The following GRK3 variants were observed in gnomAD, a reference collection of about 807,000 sequenced individuals.
The protein encoded by GRK3 is G protein-coupled receptor kinase 3.
In GRK3, 54 loss-of-function variants were observed where a neutral mutation model predicts 95.7. The ratio of observed to expected loss-of-function variants is 0.56; its 90% CI spans 0.45 to 0.71. The LOEUF (loss-of-function observed/expected upper bound fraction) is 0.71. Ranked by LOEUF, GRK3 falls within the 30% of genes least tolerant of loss-of-function variation. The pLI, the probability that GRK3 is intolerant of heterozygous loss-of-function variation, is 0.00. For synonymous variants in GRK3, 281 were observed against 290.8 expected, an observed-to-expected ratio of 0.97 and a Z score of 0.34; for missense variants, 649 against 851.2, an observed-to-expected ratio of 0.76 and a Z score of 2.96.
intron 3 of GRK3, among the ~76,000 whole-genome samples, chr22:25,658,883 C>T (rs2084891393): frequency 6.6e-6 from 1 of 151,946 alleles, no homozygotes; most frequent in Non-Finnish European, 1.5e-5. Flanking sequence ...GCCCGTTTGG[C>T]TGGAGTACAG....
In GRK3 at chr22:25,705,171, T is replaced by G. The variant is rs148052273; in HGVS notation, c.1328+962T>G. On this transcript the variant is annotated intron_variant, in intron 15 of 20. Transcript: ENST00000324198. Reference sequence around the variant, plus strand: ...AATTACCTATTCCTGCTATAATAGATGAAGATTTAGCTCACTCATTACTGT... The same window carrying G: ...AATTACCTATTCCTGCTATAATAGAGGAAGATTTAGCTCACTCATTACTGT... 1.6e-4 allele frequency among the ~76,000 whole-genome samples: 24 copies of G among 152,318 alleles called. No homozygotes were observed. In the East Asian group the frequency reaches 4.6e-3, roughly 29 times the overall value.
At chr22:25,688,149 C>T (rs12159061) in intron 11 of GRK3, among the ~76,000 whole-genome samples, 29,240 of 148,356 alleles carry the variant, frequency 0.2, 6,983 homozygotes, top group African/African-American at 0.58. Context: ...GGAAGGAGAA[C>T]GGAGTGAACC....
chr22:25,669,148 ATAT>A (rs1272301656), intron 6 of GRK3, among the ~76,000 whole-genome samples: 1 of 152,178 alleles, frequency 6.6e-6, no homozygotes, highest in East Asian at 1.9e-4. Context: ...GACTCCATCA[ATAT>A]GGTCATGTAG....
rs946780163 is a variant in GRK3 at position 25,727,286 on chromosome 22, T to A, written c.*4836T>A. On this transcript the variant is annotated 3_prime_UTR_variant, in exon 21 of 21. Transcript: ENST00000324198. ...AATTCATGTTAATATGATTTTTTTT[T>A]AATCCAGGTCACATTTTAACAAAGT... is the stretch of plus-strand genomic sequence containing the variant. 2.6e-5 allele frequency: 4 copies of A among 152,186 alleles called. No homozygotes were observed. Among genetic ancestry groups the A allele is most frequent in the Non-Finnish European group, 5.9e-5 (4 of 68,036 alleles). 9.4% of individuals were successfully genotyped at this position (152,186 alleles called of 1,614,324 possible). A position where few individuals can be genotyped will look rare whatever the true frequency, so the allele number is the denominator to read the frequency against.
chr22:25,577,876 GTCTAC>G (rs1281130849), intron 1 of GRK3, among the ~76,000 whole-genome samples: 3 of 152,268 alleles, frequency 2.0e-5, no homozygotes, highest in Middle Eastern at 3.4e-3. Context: ...TATGGGCATA[GTCTAC>G]TCTACGTAGA....
chr22:25,688,522 C>T (rs1340569570), intron 11 of GRK3, among the ~76,000 whole-genome samples: 1 of 152,204 alleles, frequency 6.6e-6, no homozygotes, highest in Non-Finnish European at 1.5e-5. Flanking sequence ...GCCACCCTCA[C>T]AGCTTTACAT....
intron 15 of GRK3, among the ~76,000 whole-genome samples, chr22:25,708,853 G>A (rs2085321613): frequency 1.3e-5 from 2 of 150,960 alleles, no homozygotes; most frequent in Admixed American, 1.3e-4. Flanking sequence ...GTCGAGACAG[G>A]GTTTCATTGT....
At chr22:25,573,002 T>C (rs897494187) in intron 1 of GRK3, among the ~76,000 whole-genome samples, 1 of 152,244 alleles carries the variant, frequency 6.6e-6, no homozygotes, top group African/African-American at 2.4e-5. Flanking sequence ...GAAACTGTTG[T>C]ACCAGAAAGC....
intron 2 of GRK3, 65 bp from the exon 3 acceptor site, chr22:25,644,527 A>T: frequency 2.6e-6 from 2 of 763,734 alleles, no homozygotes; most frequent in Middle Eastern, 4.8e-4. Context: ...TGCTTTGAAA[A>T]CACCCTTGTG....
chr22:25,687,224 T>A (rs1261491625), intron 10 of GRK3, among the ~76,000 whole-genome samples: 2 of 151,998 alleles, frequency 1.3e-5, no homozygotes, highest in African/African-American at 4.8e-5. Context: ...CTTACTAGGA[T>A]TTAGGTAATC....
intron 3 of GRK3, among the ~76,000 whole-genome samples, chr22:25,646,359 T>G (rs2084782342): frequency 6.6e-6 from 1 of 152,240 alleles, no homozygotes. Context: ...AAGTACTATA[T>G]TTGAAATTAG....
intron 15 of GRK3, among the ~76,000 whole-genome samples, chr22:25,706,539 T>G (rs574427569): frequency 6.6e-6 from 1 of 152,328 alleles, no homozygotes; most frequent in Admixed American, 6.5e-5. Flanking sequence ...TTTTTATTTT[T>G]TATTTTTTTG....
intron 1 of GRK3, among the ~76,000 whole-genome samples, chr22:25,576,256 C>A (rs1013069251): frequency 6.6e-6 from 1 of 152,072 alleles, no homozygotes; most frequent in East Asian, 1.9e-4. Context: ...GACCCACAGT[C>A]GGATGAGTCA....
intron 13 of GRK3, among the ~76,000 whole-genome samples, chr22:25,697,601 A>G (rs1482122494): frequency 6.6e-6 from 1 of 152,216 alleles, no homozygotes; most frequent in Non-Finnish European, 1.5e-5. Context: ...AACTTAGGGG[A>G]GCGCATGGTT....
intron 15 of GRK3, among the ~76,000 whole-genome samples, 174 bp from the exon 16 acceptor site, chr22:25,709,724 C>A (rs2085329050): frequency 6.6e-6 from 1 of 152,082 alleles, no homozygotes. Context: ...ATGCAGTATT[C>A]TAAACATCGT....
Position 25,661,691 on chromosome 22 carries a change from C to T in GRK3, c.366+14C>T, listed in dbSNP as rs1055984770. On this transcript the variant is annotated intron_variant, in intron 4 of 20. Transcript: ENST00000324198. The stretch of plus-strand genomic sequence containing the variant: ...TCCTGTTCACATGTAAGTATTTCTT[C>T]TTACTCTGTTACTTTAGTACTGATG... The T allele has an allele frequency of 1.6e-5, 24 of 1,510,726 alleles. No homozygotes were observed. Among genetic ancestry groups the T allele is most frequent in the Non-Finnish European group, 2.1e-5 (23 of 1,090,420 alleles). 93.6% of individuals were successfully genotyped at this position (1,510,726 alleles called of 1,614,324 possible).
At chr22:25,601,224 C>A (rs963480662) in intron 1 of GRK3, among the ~76,000 whole-genome samples, 1 of 152,088 alleles carries the variant, frequency 6.6e-6, no homozygotes, top group Admixed American at 6.5e-5. Flanking sequence ...TTTAAGTGTA[C>A]GTGAACTACT....
chr22:25,710,957 C>T (rs988113635), intron 16 of GRK3, 111 bp from the exon 17 acceptor site: 9 of 527,540 alleles, frequency 1.7e-5, no homozygotes, highest in South Asian at 1.5e-4. Flanking sequence ...TGACATGCTG[C>T]GCAGTGGAGC....
intron 1 of GRK3, among the ~76,000 whole-genome samples, chr22:25,596,498 G>A (rs112464987): frequency 0.024 from 3,670 of 152,098 alleles, 48 homozygotes; most frequent in East Asian, 0.037. Flanking sequence ...TAATAAATTA[G>A]CAATTTCAAA....
Sources: allele counts gnomAD v4.1 joint callset (sites outside exome capture counted in the v4.1 genomes callset), GRCh38; gene constraint gnomAD v4.1.1; transcripts MANE v1.5; gene names NCBI Gene and HGNC (gene_info 2026-07-23, HGNC 2026-07-21).